Variants in RALGAPB observed in about 807,000 individuals in gnomAD.
The protein encoded by RALGAPB is Ral GTPase activating protein non-catalytic subunit beta.
Under a neutral mutation model 161.1 loss-of-function variants are expected in RALGAPB, and 25 were observed. The observed-to-expected ratio is 0.16, with a 90% CI of 0.11 to 0.22. The LOEUF (loss-of-function observed/expected upper bound fraction) is 0.22, where lower values mean the gene tolerates loss of function less well. Ranked by LOEUF, RALGAPB falls within the 10% of genes least tolerant of loss-of-function variation. RALGAPB has a pLI of 1.00. For synonymous variants in RALGAPB, 629 were observed against 626.1 expected (o/e 1.00, Z -0.07); for missense variants, 1,391 against 1,815.2 (o/e 0.77, Z 4.25).
chr20:38,504,340 C>G lies in RALGAPB; in HGVS notation c.740+4707C>G, dbSNP rs111623287. ...AAAAACAAGCAATGGGGAAAGGACT[C>G]TCTATTCAATAAATAGTGCAGGGAT... On this transcript the variant is annotated intron_variant, in intron 5 of 29. Transcript: ENST00000262879. 7.7e-3 allele frequency among the ~76,000 whole-genome samples: 1,176 copies of G among 152,312 alleles called. 21 individuals carry two copies. The highest frequency in any genetic ancestry group is 0.026 in the African/African-American group (1,071 of 41,574).
At position 38,551,052 on chromosome 20, in the gene RALGAPB, A is replaced by G. The variant is rs372389938; in HGVS notation, c.3010-19A>G. On this transcript the variant is annotated intron_variant, in intron 20 of 29. Coordinates refer to ENST00000262879, the MANE Select transcript of RALGAPB (RefSeq NM_020336.4). ...TATTGGACCCTGTGTAATAAACATA[A>G]TGTTACTTGTTTTAACAGCTTTTTG... 1.8e-5 allele frequency: 29 copies of G among 1,612,256 alleles called. No individual in the cohort carries two copies. The highest frequency in any genetic ancestry group is 2.2e-5 in the Non-Finnish European group (26 of 1,178,566).
intron 1 of RALGAPB, among the ~76,000 whole-genome samples, chr20:38,480,539 A>C (rs146768429): frequency 0.025 from 3,818 of 151,062 alleles, 162 homozygotes; most frequent in African/African-American, 0.089. Flanking sequence ...GGCGCACGCC[A>C]CCATGCCCTG....
At chr20:38,502,189 G>C (rs1306080158) in intron 5 of RALGAPB, among the ~76,000 whole-genome samples, 1 of 152,158 alleles carries the variant, frequency 6.6e-6, no homozygotes, top group Middle Eastern at 3.2e-3. Flanking sequence ...GAGCTCAGGT[G>C]TTGTGAATAT....
intron 1 of RALGAPB, among the ~76,000 whole-genome samples, chr20:38,486,662 A>G (rs1246698025): frequency 6.6e-6 from 1 of 152,170 alleles, no homozygotes; most frequent in East Asian, 1.9e-4. Context: ...TTTTCTTCCA[A>G]TAATATGCTG....
rs76973830 is a variant in RALGAPB, at chr20:38,545,549, C to A, written c.2715-694C>A. Among the ~76,000 whole-genome samples, 617 of 152,312 alleles carry A rather than the reference C, an allele frequency of 4.1e-3. 3 individuals carry two copies. The highest frequency in any genetic ancestry group is 0.014 in the African/African-American group (583 of 41,552). On this transcript the variant is annotated intron_variant, in intron 18 of 29. Coordinates refer to ENST00000262879, the MANE Select transcript of RALGAPB (RefSeq NM_020336.4). ...CAGCACCACATTTGTCATCTCAACTCTCAGCTTGAATGGCCTCTCCTCTTT... is the reference window on the plus strand; with the variant it reads ...CAGCACCACATTTGTCATCTCAACTATCAGCTTGAATGGCCTCTCCTCTTT...
At chr20:38,534,904 A>G (rs1055197668) in intron 15 of RALGAPB, among the ~76,000 whole-genome samples, 170 bp from the exon 16 acceptor site, 1 of 152,234 alleles carries the variant, frequency 6.6e-6, no homozygotes, top group Non-Finnish European at 1.5e-5. Flanking sequence ...TGCACCGTGT[A>G]GTCAGGCTTG....
chr20:38,545,571 C>CT (rs2087135606), intron 18 of RALGAPB, among the ~76,000 whole-genome samples: 1 of 152,188 alleles, frequency 6.6e-6, no homozygotes, highest in African/African-American at 2.4e-5. Context: ...GGCCTCTCCT[C>CT]TTTCACTCTA....
At chr20:38,488,058 C>T (rs1203802689) in intron 1 of RALGAPB, among the ~76,000 whole-genome samples, 1 of 151,332 alleles carries the variant, frequency 6.6e-6, no homozygotes, top group Non-Finnish European at 1.5e-5. Context: ...AAAACTTCGT[C>T]TCAAAAAAGA....
intron 5 of RALGAPB, among the ~76,000 whole-genome samples, chr20:38,505,619 A>G (rs1023850970): frequency 2.0e-5 from 3 of 150,622 alleles, no homozygotes; most frequent in Admixed American, 6.5e-5. Context: ...AGCATCTTTC[A>G]GCAGTAAAAT....
intron 15 of RALGAPB, among the ~76,000 whole-genome samples, chr20:38,534,138 C>CA (rs1293283790): frequency 0.028 from 1,289 of 45,662 alleles, 15 homozygotes; most frequent in East Asian, 0.097. Context: ...GACTCCATCT[C>CA]AAAAAAAAAA....
chr20:38,497,053 T>C (rs948237454), intron 3 of RALGAPB, among the ~76,000 whole-genome samples: 2 of 152,254 alleles, frequency 1.3e-5, no homozygotes, highest in Non-Finnish European at 2.9e-5. Flanking sequence ...TCTGCTATTA[T>C]GTGTTAGGCA....
chr20:38,502,431 A>G (rs1203107672), intron 5 of RALGAPB, among the ~76,000 whole-genome samples: 1 of 152,238 alleles, frequency 6.6e-6, no homozygotes. Flanking sequence ...ATTACAAGAA[A>G]AAGTTGAATT....
At chr20:38,515,625 G>T (rs2086102015) in intron 6 of RALGAPB, among the ~76,000 whole-genome samples, 1 of 151,822 alleles carries the variant, frequency 6.6e-6, no homozygotes, top group African/African-American at 2.4e-5. Context: ...TTCAAATATA[G>T]TTGTTTTTTT....
intron 1 of RALGAPB, among the ~76,000 whole-genome samples, chr20:38,480,783 G>A (rs805544): frequency 0.073 from 8,764 of 120,392 alleles, 490 homozygotes; most frequent in African/African-American, 0.18. Flanking sequence ...TGTCACCCAG[G>A]CTGGAGTGCA....
At chr20:38,523,242 C>T (rs575346897) in intron 10 of RALGAPB, among the ~76,000 whole-genome samples, 2 of 152,270 alleles carry the variant, frequency 1.3e-5, no homozygotes, top group South Asian at 4.1e-4. Flanking sequence ...ATTATAGACT[C>T]CTGGGAAGGA....
At chr20:38,494,676 C>T (rs541005914) in intron 3 of RALGAPB, among the ~76,000 whole-genome samples, 1 of 152,176 alleles carries the variant, frequency 6.6e-6, no homozygotes, top group South Asian at 2.1e-4. Context: ...GTTGGGAGTA[C>T]TTAGAATATT....
intron 1 of RALGAPB, among the ~76,000 whole-genome samples, chr20:38,483,513 T>G (rs769966050): frequency 1.1e-4 from 17 of 152,240 alleles, no homozygotes; most frequent in Non-Finnish European, 2.4e-4. Flanking sequence ...AAAATTGAGC[T>G]GTTTTATAAG....
chr20:38,544,585 A>G (rs1329553268), intron 18 of RALGAPB, among the ~76,000 whole-genome samples: 1 of 152,084 alleles, frequency 6.6e-6, no homozygotes, highest in African/African-American at 2.4e-5. Context: ...CTCCTCCCTC[A>G]GCTTCCCGAG....
chr20:38,544,036 C>T (rs2087069385), intron 18 of RALGAPB, among the ~76,000 whole-genome samples: 1 of 152,056 alleles, frequency 6.6e-6, no homozygotes, highest in Admixed American at 6.5e-5. Flanking sequence ...TTTTTCCTCT[C>T]TGTGTACACT....
Sources: gnomAD v4.1 joint callset for allele counts (sites outside exome capture counted in the v4.1 genomes callset) on GRCh38, gnomAD v4.1.1 for gene constraint, MANE v1.5 for transcripts, NCBI Gene and HGNC (gene_info 2026-07-23, HGNC 2026-07-21) for gene names.